The following MIGA2 variants were observed in gnomAD, a reference collection of about 807,000 sequenced individuals.
MIGA2 encodes the protein mitoguardin 2.
MIGA2 carries 36 observed loss-of-function variants against 69.9 expected under a neutral mutation model. The observed-to-expected ratio is 0.52, with a 90% CI of 0.39 to 0.68. The LOEUF (loss-of-function observed/expected upper bound fraction) is 0.68, where lower values mean the gene tolerates loss of function less well. MIGA2 is among the 30% of genes least tolerant of loss of function. MIGA2 has a pLI of 0.00. For synonymous variants in MIGA2, 333 were observed against 349.2 expected (o/e 0.95, Z 0.52); for missense variants, 660 against 787.7 (o/e 0.84, Z 1.94).
rs759448837 is a variant in MIGA2, at chr9:129,068,160, G to A, written c.1270-38G>A. 1.2e-6 allele frequency: 2 copies of A among 1,613,318 alleles called. No individual in the cohort carries two copies. Among genetic ancestry groups the A allele is most frequent in the South Asian group, 1.1e-5 (1 of 91,018 alleles). Reference sequence around the variant, plus strand: ...AAAGTGGCCCCGAGGCTCCGGCAGTGCCCCCATGCATGAGCCTCCCGGGGG... The same window carrying A: ...AAAGTGGCCCCGAGGCTCCGGCAGTACCCCCATGCATGAGCCTCCCGGGGG... On this transcript the variant is annotated intron_variant, in intron 12 of 15. Coordinates refer to ENST00000684074, the MANE Select transcript of MIGA2 (RefSeq NM_001329990.2). This position sits in a 1 kb window ranked among gnomAD's most constrained non-coding sequence, Gnocchi z 4.1.
chr9:129,067,243 A>G (rs1846408429), intron 11 of MIGA2, among the ~76,000 whole-genome samples: 1 of 152,124 alleles, frequency 6.6e-6, no homozygotes, highest in African/African-American at 2.4e-5. Context: ...TGAAAAGAGC[A>G]TCCCAAACCC....
intron 3 of MIGA2, among the ~76,000 whole-genome samples, chr9:129,044,989 G>C (rs948325630): frequency 5.4e-5 from 8 of 148,918 alleles, no homozygotes; most frequent in Admixed American, 3.4e-4. Flanking sequence ...CCCGAGGTCA[G>C]GAGTTTGAGA....
intron 6 of MIGA2, among the ~76,000 whole-genome samples, chr9:129,052,288 A>G (rs946710205): frequency 6.6e-6 from 1 of 150,898 alleles, no homozygotes; most frequent in Admixed American, 6.6e-5. Context: ...ACGCCCGGCT[A>G]ATTTTTGTAT....
intron 3 of MIGA2, among the ~76,000 whole-genome samples, chr9:129,044,417 C>A (rs1341023994): frequency 2.0e-5 from 3 of 152,116 alleles, no homozygotes; most frequent in Non-Finnish European, 2.9e-5. Flanking sequence ...GCTCTGGTAG[C>A]CACTGCTCTA....
chr9:129,055,070 T>C (rs984039524), intron 6 of MIGA2, among the ~76,000 whole-genome samples: 9 of 149,906 alleles, frequency 6.0e-5, no homozygotes, highest in African/African-American at 7.4e-5. Flanking sequence ...TTTTGTATTT[T>C]TTTTCTTTTC....
At chr9:129,049,605 C>A in intron 5 of MIGA2, 107 bp downstream of exon 5, 1 of 1,265,240 alleles carries the variant, frequency 7.9e-7, no homozygotes, top group East Asian at 2.4e-5. Context: ...ACTACCCTGC[C>A]CCAAATCCCA....
Position 129,069,233 on chromosome 9 carries a change from C to G in MIGA2, c.1458+104C>G, listed in dbSNP as rs1207593946. 1 of 1,404,422 alleles carries G rather than the reference C, an allele frequency of 7.1e-7. No individual in the cohort carries two copies. Among genetic ancestry groups the G allele is most frequent in the Non-Finnish European group, 1.0e-6 (1 of 999,144 alleles). 87.0% of individuals were successfully genotyped at this position (1,404,422 alleles called of 1,614,324 possible). A position where few individuals can be genotyped will look rare whatever the true frequency, so the allele number is the denominator to read the frequency against. On this transcript the variant is annotated intron_variant, in intron 14 of 15. Transcript: ENST00000684074. The surrounding 1 kb of genome is among the most constrained non-coding windows in gnomAD (Gnocchi z 4.9). ...GCTCGCTGGGCCACTTGGCCTTCACCGCTCACAGTCCTGGCCCCCTTGTTC... is the reference window on the plus strand; with the variant it reads ...GCTCGCTGGGCCACTTGGCCTTCACGGCTCACAGTCCTGGCCCCCTTGTTC...
At position 129,063,586 on chromosome 9, in the gene MIGA2, A is replaced by G. The variant is rs781475559; in HGVS notation, c.1125A>G (p.Lys375=). 1.5e-6 allele frequency: 2 copies of G among 1,371,182 alleles called. No individual in the cohort carries two copies. The highest frequency in any genetic ancestry group is 1.9e-6 in the Non-Finnish European group (2 of 1,035,718). 84.9% of individuals were successfully genotyped at this position (1,371,182 alleles called of 1,614,324 possible). The change falls in exon 11 of 16, where the codon AAA becomes AAG. Residue 375 remains lysine, a synonymous_variant. Transcript: ENST00000684074. The stretch of plus-strand genomic sequence containing the variant: ...AGAGTAACCAGCTTTTCTTCGGGAA[A>G]GTGGGCCGACAGATGGTGACAGGCC... ...EDKSNQLFFG[K]VGRQMVTGLM...
At chr9:129,052,233 CTG>C (rs1045115092) in intron 6 of MIGA2, among the ~76,000 whole-genome samples, 6 of 152,208 alleles carry the variant, frequency 3.9e-5, no homozygotes, top group African/African-American at 1.4e-4. Flanking sequence ...TCAAGCGATT[CTG>C]TCTCAGCCTC....
chr9:129,049,297 C>A, intron 4 of MIGA2, 84 bp from the exon 5 acceptor site: 1 of 1,319,090 alleles, frequency 7.6e-7, no homozygotes, highest in Non-Finnish European at 1.1e-6. Context: ...GGCCCATGGT[C>A]AGGCAGTGGA....
rs979515879 is a variant in MIGA2, at chr9:129,040,834, T to G, written c.96+144T>G. The G allele has an allele frequency of 7.2e-5, 46 of 635,808 alleles. 1 individual carries two copies. The African/African-American group carries it at 8.1e-4, about 11-fold the overall frequency. The allele number at this position is 635,808 out of a possible 1,614,324, so 39.4% of individuals were successfully genotyped here. A position where few individuals can be genotyped will look rare whatever the true frequency, so the allele number is the denominator to read the frequency against. On this transcript the variant is annotated intron_variant, in intron 2 of 15. Transcript: ENST00000684074. ...TCCTCTTTGGACTGGGTTTGTTGTC[T>G]GAGGCTTCAGGCCTGTTCTTTAGCC...
chr9:129,038,556 G>C (rs542008128), intron 1 of MIGA2, among the ~76,000 whole-genome samples: 2 of 152,230 alleles, frequency 1.3e-5, no homozygotes, highest in Admixed American at 1.3e-4. Context: ...AGGTCCAGGG[G>C]AAAGCTGCCC....
chr9:129,070,330 C>T lies in MIGA2; in HGVS notation c.1659C>T (p.Ile553=). 1.9e-6 allele frequency: 3 copies of T among 1,613,140 alleles called. No homozygotes were observed. Among genetic ancestry groups the T allele is most frequent in the Non-Finnish European group, 2.5e-6 (3 of 1,179,992 alleles). Residue 553 remains isoleucine, a synonymous_variant, in exon 16 of 16, where the codon ATC becomes ATT. Transcript: ENST00000684074. ...YTSLPALADD[I]LQLSRRRSEI... is the part of the protein sequence containing the mutation. ...CACTGCCCGCGCTGGCAGACGACAT[C>T]CTGCAGCTGTCCCGGCGCCGCAGCG...
chr9:129,048,225 G>A (rs902153176), intron 3 of MIGA2, among the ~76,000 whole-genome samples: 1 of 152,218 alleles, frequency 6.6e-6, no homozygotes, highest in Non-Finnish European at 1.5e-5. Flanking sequence ...GATATGGCAG[G>A]GATGTGGTCA....
rs573039065 is a variant in MIGA2 at position 129,069,292 on chromosome 9, G to A, written c.1458+163G>A. 5 of 837,430 alleles carry A rather than the reference G, an allele frequency of 6.0e-6. No homozygotes were observed. The African/African-American group carries it at 8.3e-5, about 14-fold the overall frequency. 51.9% of individuals were successfully genotyped at this position (837,430 alleles called of 1,614,324 possible). A position where few individuals can be genotyped will look rare whatever the true frequency, so the allele number is the denominator to read the frequency against. ...CCTCTCCCTGTGCCAGGAGCTCCCT[G>A]GAGGCTCGTGTAGACCCACTTCCTC... On this transcript the variant is annotated intron_variant, in intron 14 of 15. Transcript: ENST00000684074. This position sits in a 1 kb window ranked among gnomAD's most constrained non-coding sequence, Gnocchi z 4.9.
chr9:129,045,848 T>C (rs1177167919), intron 3 of MIGA2, among the ~76,000 whole-genome samples: 1 of 151,012 alleles, frequency 6.6e-6, no homozygotes, highest in East Asian at 1.9e-4. Flanking sequence ...ATAAGTGTTT[T>C]GTTTTTTTTT....
intron 9 of MIGA2, among the ~76,000 whole-genome samples, chr9:129,062,882 C>A (rs570108180): frequency 6.6e-6 from 1 of 152,196 alleles, no homozygotes; most frequent in South Asian, 2.1e-4. Flanking sequence ...ATGAATCAGA[C>A]ACTGGCTGAA....
Position 129,069,510 on chromosome 9 carries a change from G to A in MIGA2, c.1459-339G>A. 1 of 506,642 alleles carries A rather than the reference G, an allele frequency of 2.0e-6. No individual in the cohort carries two copies. Among genetic ancestry groups the A allele is most frequent in the South Asian group, 2.2e-5 (1 of 46,502 alleles). The allele number at this position is 506,642 out of a possible 1,614,324, so 31.4% of individuals were successfully genotyped here. On this transcript the variant is annotated intron_variant, in intron 14 of 15. Transcript: ENST00000684074. The surrounding 1 kb of genome is among the most constrained non-coding windows in gnomAD (Gnocchi z 4.9). The stretch of plus-strand genomic sequence containing the variant: ...CCCCTGTAATCTCCGCTCCCAGGCA[G>A]CGACTGGCTGTGCTATCTGGCCTGT...
Position 129,060,338 on chromosome 9 carries a change from G to A in MIGA2, c.794-212G>A, listed in dbSNP as rs1452818960. ...GAGGCTGACGACCTCCGAGGATGTCGTGGGTGTTGAAGGAGGTCACTCACT... is the reference window on the plus strand; with the variant it reads ...GAGGCTGACGACCTCCGAGGATGTCATGGGTGTTGAAGGAGGTCACTCACT... On this transcript the variant is annotated intron_variant, in intron 7 of 15. Transcript: ENST00000684074. The surrounding 1 kb of genome is among the most constrained non-coding windows in gnomAD (Gnocchi z 4.8). 5 of 513,868 alleles carry A rather than the reference G, an allele frequency of 9.7e-6. No individual in the cohort carries two copies. Among genetic ancestry groups the A allele is most frequent in the East Asian group, 3.5e-5 (1 of 28,856 alleles). The allele number at this position is 513,868 out of a possible 1,614,324, so 31.8% of individuals were successfully genotyped here. A position where few individuals can be genotyped will look rare whatever the true frequency, so the allele number is the denominator to read the frequency against.
Sources: allele counts gnomAD v4.1 joint callset (sites outside exome capture counted in the v4.1 genomes callset), GRCh38; gene constraint gnomAD v4.1.1; non-coding constraint Gnocchi (gnomAD v3.1); transcripts MANE v1.5; gene names NCBI Gene and HGNC (gene_info 2026-07-23, HGNC 2026-07-21).